SNX29: variants seen among roughly 807,000 people sequenced by gnomAD.
SNX29 encodes sorting nexin 29, also known as sorting nexin-29.
A neutral mutation model predicts 102.1 loss-of-function variants in SNX29; 78 were observed. The ratio of observed to expected loss-of-function variants is 0.76; its 90% CI spans 0.64 to 0.92. SNX29 has a LOEUF of 0.92. Among genes scored for constraint, SNX29 ranks in the 40% least tolerant of loss-of-function variants. SNX29 has a pLI of 0.00. For missense variants in SNX29, 1,280 were observed against 1,061.7 expected (o/e 1.21, Z -2.86); for synonymous variants, 580 against 414.5 (o/e 1.40, Z -4.85).
At chr16:12,560,444 C>T (rs1011250057) in intron 20 of SNX29, among the ~76,000 whole-genome samples, 9 of 152,112 alleles carry the variant, frequency 5.9e-5, no homozygotes, top group Admixed American at 2.0e-4. Flanking sequence ...GTCCCCAGCC[C>T]CGAGTCTTTT....
chr16:12,502,905 C>T (rs987946542), intron 19 of SNX29, among the ~76,000 whole-genome samples: 1 of 152,188 alleles, frequency 6.6e-6, no homozygotes, highest in African/African-American at 2.4e-5. Flanking sequence ...TTAGAGCTGC[C>T]AGTAGATCTT....
At chr16:12,087,875 G>A (rs930312786) in intron 11 of SNX29, 6 of 456,692 alleles carry the variant, frequency 1.3e-5, no homozygotes, top group Middle Eastern at 3.2e-4. Flanking sequence ...TTTTGTGTTC[G>A]ATAGGCTAAG....
At chr16:12,319,680 A>G (rs1487543949) in intron 15 of SNX29, among the ~76,000 whole-genome samples, 2 of 152,140 alleles carry the variant, frequency 1.3e-5, no homozygotes, top group Admixed American at 1.3e-4. Flanking sequence ...CTGACCCGCC[A>G]GGAGGAGAGA....
At chr16:12,281,780 C>T (rs1215375958) in intron 15 of SNX29, among the ~76,000 whole-genome samples, 2 of 152,060 alleles carry the variant, frequency 1.3e-5, no homozygotes, top group East Asian at 3.9e-4. Flanking sequence ...TGCTAAGAAG[C>T]AGAGCTGGGG....
intron 16 of SNX29, among the ~76,000 whole-genome samples, chr16:12,386,337 T>A (rs955097631): frequency 6.6e-5 from 10 of 152,206 alleles, no homozygotes; most frequent in Admixed American, 5.2e-4. Flanking sequence ...GCAAATTATC[T>A]CATTGAATCC....
chr16:12,480,877 T>G (rs2087874450), intron 19 of SNX29, among the ~76,000 whole-genome samples: 1 of 152,094 alleles, frequency 6.6e-6, no homozygotes, highest in South Asian at 2.1e-4. Flanking sequence ...TTGTTGTTGT[T>G]GTTTGTTTGG....
intron 19 of SNX29, among the ~76,000 whole-genome samples, chr16:12,487,975 C>G (rs1343916785): frequency 2.0e-5 from 3 of 152,098 alleles, no homozygotes; most frequent in African/African-American, 7.2e-5. Context: ...AGGAGAGCAA[C>G]CACTAACGTC....
At chr16:12,532,668 G>A (rs2076963415) in intron 20 of SNX29, among the ~76,000 whole-genome samples, 1 of 152,156 alleles carries the variant, frequency 6.6e-6, no homozygotes, top group Non-Finnish European at 1.5e-5. Context: ...TGACATATGG[G>A]GGATCACAGA....
intron 17 of SNX29, among the ~76,000 whole-genome samples, chr16:12,402,180 G>T (rs896453176): frequency 2.0e-5 from 3 of 152,226 alleles, no homozygotes; most frequent in African/African-American, 4.8e-5. Flanking sequence ...GATCAATGGG[G>T]TTTAATTTAC....
intron 16 of SNX29, among the ~76,000 whole-genome samples, chr16:12,390,149 G>GGTGTGTCTGT: frequency 6.9e-6 from 1 of 145,588 alleles, no homozygotes; most frequent in South Asian, 2.2e-4. Context: ...GCAATTGAGG[G>GGTGTGTCTGT]GTGTGTGTGT....
chr16:12,445,980 G>A (rs1019438709), intron 18 of SNX29, among the ~76,000 whole-genome samples: 5 of 151,826 alleles, frequency 3.3e-5, no homozygotes, highest in Admixed American at 1.3e-4. Flanking sequence ...CCGAGTCCAC[G>A]CTTTCGCGCT....
At chr16:12,324,057 T>G (rs2081042078) in intron 15 of SNX29, among the ~76,000 whole-genome samples, 1 of 152,228 alleles carries the variant, frequency 6.6e-6, no homozygotes, top group Middle Eastern at 3.4e-3. Context: ...CCAGCCAGTC[T>G]GCAGAGACCC....
chr16:12,297,820 G>A (rs1488887653), intron 15 of SNX29, among the ~76,000 whole-genome samples: 6 of 152,074 alleles, frequency 3.9e-5, no homozygotes, highest in Admixed American at 1.3e-4. Flanking sequence ...AACAACTGTC[G>A]AAACCTTCCC....
At chr16:12,261,089 T>G (rs142814610) in intron 14 of SNX29, among the ~76,000 whole-genome samples, 2,104 of 142,086 alleles carry the variant, frequency 0.015, 80 homozygotes, top group African/African-American at 0.053. Context: ...GAGTGAGTGT[T>G]TGCTGAGGTG....
chr16:12,550,703 C>G (rs1246672747), intron 20 of SNX29, among the ~76,000 whole-genome samples: 1 of 152,184 alleles, frequency 6.6e-6, no homozygotes, highest in African/African-American at 2.4e-5. Context: ...TCACCCCCCT[C>G]ATGCTCTTAT....
chr16:12,462,493 A>G (rs2086850966), intron 18 of SNX29, among the ~76,000 whole-genome samples: 1 of 152,194 alleles, frequency 6.6e-6, no homozygotes, highest in African/African-American at 2.4e-5. Flanking sequence ...GGAAATCTTG[A>G]AAGAAGATAA....
intron 14 of SNX29, among the ~76,000 whole-genome samples, chr16:12,234,129 G>C (rs1284509543): frequency 6.6e-6 from 1 of 152,070 alleles, no homozygotes; most frequent in Non-Finnish European, 1.5e-5. Context: ...GGGATTGCTG[G>C]GTCAAAGCGG....
chr16:12,355,013 C>G (rs1277087161), intron 15 of SNX29, among the ~76,000 whole-genome samples: 1 of 152,148 alleles, frequency 6.6e-6, no homozygotes, highest in Non-Finnish European at 1.5e-5. Flanking sequence ...ACTCACAGAG[C>G]AAGTTACTGG....
chr16:12,242,367 A>ATATT (rs1208660733), intron 14 of SNX29, among the ~76,000 whole-genome samples: 1 of 141,614 alleles, frequency 7.1e-6, no homozygotes, highest in African/African-American at 2.6e-5. Flanking sequence ...ATATATATAT[A>ATATT]TTTTTTTTTT....
Sources: gnomAD v4.1 joint callset for allele counts (sites outside exome capture counted in the v4.1 genomes callset) on GRCh38, gnomAD v4.1.1 for gene constraint, MANE v1.5 for transcripts, NCBI Gene and HGNC (gene_info 2026-07-23, HGNC 2026-07-21) for gene names.